TOX: variants seen among roughly 807,000 people sequenced by gnomAD.
The protein encoded by TOX is thymocyte selection associated high mobility group box, also known as thymocyte selection-associated high mobility group box protein TOX.
Under a neutral mutation model 53.7 loss-of-function variants are expected in TOX, and 11 were observed. The observed-to-expected ratio is 0.20, with a 90% confidence interval of 0.13 to 0.34. The LOEUF (loss-of-function observed/expected upper bound fraction) is 0.34. Ranked by LOEUF, TOX falls within the 10% of genes least tolerant of loss-of-function variation. TOX has a pLI of 1.00. For synonymous variants in TOX, 225 were observed against 245.3 expected (o/e 0.92, Z 0.77); for missense variants, 570 against 664.6 (o/e 0.86, Z 1.56).
intron 1 of TOX, among the ~76,000 whole-genome samples, chr8:59,019,890 A>G (rs574309832): frequency 8.5e-5 from 13 of 152,276 alleles, no homozygotes; most frequent in African/African-American, 3.1e-4. Flanking sequence ...TTTGCAAAAT[A>G]TTTTTCTCCT....
intron 1 of TOX, among the ~76,000 whole-genome samples, chr8:59,038,038 C>A (rs993683177): frequency 6.6e-6 from 1 of 152,120 alleles, no homozygotes; most frequent in Non-Finnish European, 1.5e-5. Context: ...AAATGCCAGA[C>A]TTCCCTGTGG....
intron 1 of TOX, among the ~76,000 whole-genome samples, chr8:58,962,259 G>A (rs181243421): frequency 1.3e-5 from 2 of 152,248 alleles, no homozygotes; most frequent in African/African-American, 4.8e-5. Context: ...AGGTAATATT[G>A]AGCCAAGACT....
chr8:59,012,394 G>A (rs576995055), intron 1 of TOX, among the ~76,000 whole-genome samples: 2 of 152,126 alleles, frequency 1.3e-5, no homozygotes, highest in African/African-American at 2.4e-5. Flanking sequence ...GCCCAAGGGA[G>A]TGGAGAGTTT....
intron 2 of TOX, among the ~76,000 whole-genome samples, chr8:58,951,534 C>G (rs1812621086): frequency 7.9e-6 from 1 of 127,346 alleles, no homozygotes; most frequent in Non-Finnish European, 1.8e-5. Flanking sequence ...TCCTTGAAGG[C>G]AATTTCTGTT....
intron 5 of TOX, 112 bp downstream of exon 5, chr8:58,837,969 C>A: frequency 1.0e-6 from 1 of 958,172 alleles, no homozygotes; most frequent in East Asian, 2.5e-5. Flanking sequence ...GGGACACCTT[C>A]TCAGCGTCTG....
chr8:58,915,636 G>A (rs868432342), intron 3 of TOX, among the ~76,000 whole-genome samples: 2,611 of 146,230 alleles, frequency 0.018, 91 homozygotes, highest in African/African-American at 0.062. Flanking sequence ...ACTCTAAAAC[G>A]CAGAGCGCCT....
rs957312429 is a variant in TOX, at chr8:59,118,831, C to G, written c.102+55G>C. 1.5e-5 allele frequency: 21 copies of G among 1,428,486 alleles called. No individual in the cohort carries two copies. Among genetic ancestry groups the G allele is most frequent in the Non-Finnish European group, 1.9e-5 (20 of 1,049,804 alleles). The allele number at this position is 1,428,486 out of a possible 1,614,324, so 88.5% of individuals were successfully genotyped here. ...CCGCCGCGGCCCGGCCACCGCCGCT[C>G]CCCTCCCAGGATCAAGCAGCAAGAA... On this transcript the variant is annotated intron_variant, in intron 1 of 8. Transcript: ENST00000361421. The surrounding 1 kb of genome is among the most constrained non-coding windows in gnomAD (Gnocchi z 4.1).
At chr8:58,991,473 C>A (rs996434560) in intron 1 of TOX, among the ~76,000 whole-genome samples, 1 of 152,206 alleles carries the variant, frequency 6.6e-6, no homozygotes, top group Non-Finnish European at 1.5e-5. Flanking sequence ...CAGGAGGAAA[C>A]TGTTACCTAG....
chr8:59,039,207 A>G (rs1205334280), intron 1 of TOX, among the ~76,000 whole-genome samples: 1 of 152,248 alleles, frequency 6.6e-6, no homozygotes, highest in Non-Finnish European at 1.5e-5. Context: ...AGTCTGAGCC[A>G]GCCCGATTAA....
intron 1 of TOX, among the ~76,000 whole-genome samples, chr8:59,070,867 T>C (rs1804186993): frequency 6.6e-6 from 1 of 152,108 alleles, no homozygotes; most frequent in Non-Finnish European, 1.5e-5. Flanking sequence ...GAATGAGAGG[T>C]GGCTGAAGCT....
intron 1 of TOX, among the ~76,000 whole-genome samples, chr8:59,057,301 T>C (rs1450772036): frequency 6.6e-6 from 1 of 152,198 alleles, no homozygotes; most frequent in African/African-American, 2.4e-5. Context: ...CACATACAAA[T>C]AGTATTTATT....
rs186285717 is a variant in TOX at position 58,928,860 on chromosome 8, G to A, written c.411+10442C>T. On this transcript the variant is annotated intron_variant, in intron 3 of 8. Coordinates refer to ENST00000361421, the MANE Select transcript of TOX (RefSeq NM_014729.3). ...GGTAAACCATTAGTTACATCTACTGGTTAACACAGAATGTGATTACATATA... is the reference window on the plus strand; with the variant it reads ...GGTAAACCATTAGTTACATCTACTGATTAACACAGAATGTGATTACATATA... 1.1e-4 allele frequency among the ~76,000 whole-genome samples: 16 copies of A among 152,154 alleles called. No homozygotes were observed. The East Asian group carries it at 2.9e-3, about 28-fold the overall frequency.
At chr8:58,852,265 CATT>C (rs770078727) in intron 3 of TOX, among the ~76,000 whole-genome samples, 5 of 152,128 alleles carry the variant, frequency 3.3e-5, no homozygotes, top group Non-Finnish European at 7.4e-5. Flanking sequence ...TTATCTTCAT[CATT>C]TAAGAAAGGC....
intron 1 of TOX, among the ~76,000 whole-genome samples, chr8:59,012,902 C>T (rs906057836): frequency 1.7e-4 from 25 of 151,048 alleles, no homozygotes; most frequent in African/African-American, 6.1e-4. Flanking sequence ...TTTCCCCACC[C>T]ACATTTGTTC....
chr8:59,096,974 G>T (rs1804722437), intron 1 of TOX, among the ~76,000 whole-genome samples: 1 of 152,180 alleles, frequency 6.6e-6, no homozygotes, highest in African/African-American at 2.4e-5. Flanking sequence ...TGCATTGCTG[G>T]AAACAGGATA....
At chr8:58,976,065 C>T (rs1291620588) in intron 1 of TOX, among the ~76,000 whole-genome samples, 6 of 90,818 alleles carry the variant, frequency 6.6e-5, no homozygotes, top group Non-Finnish European at 7.7e-5. Context: ...AGTGAGACTC[C>T]GTCTAATAAA....
intron 3 of TOX, among the ~76,000 whole-genome samples, chr8:58,936,080 C>G (rs1218459699): frequency 6.6e-6 from 1 of 152,204 alleles, no homozygotes; most frequent in African/African-American, 2.4e-5. Context: ...TTTCCTACAA[C>G]ACTGCTTTCG....
At chr8:58,966,851 C>A (rs1812910403) in intron 1 of TOX, among the ~76,000 whole-genome samples, 1 of 149,930 alleles carries the variant, frequency 6.7e-6, no homozygotes, top group African/African-American at 2.5e-5. Context: ...CCAAATACAC[C>A]AAACTTATGA....
At chr8:58,999,890 AGTAGACACAAGAGGGGCTG>A (rs1813656606) in intron 1 of TOX, among the ~76,000 whole-genome samples, 1 of 152,230 alleles carries the variant, frequency 6.6e-6, no homozygotes, top group Admixed American at 6.5e-5. Flanking sequence ...GAATTTACAT[AGTAGACACAAGAGGGGCTG>A]GTTTTGGTTT....
Sources: gnomAD v4.1 joint callset for allele counts (sites outside exome capture counted in the v4.1 genomes callset) on GRCh38, gnomAD v4.1.1 for gene constraint, Gnocchi (gnomAD v3.1) non-coding constraint, MANE v1.5 for transcripts, NCBI Gene and HGNC (gene_info 2026-07-23, HGNC 2026-07-21) for gene names.